The following CPLANE1 variants were observed in gnomAD, a reference collection of about 807,000 sequenced individuals.
CPLANE1 encodes the protein ciliogenesis and planar polarity effector 1.
A neutral mutation model predicts 362.5 loss-of-function variants in CPLANE1; 263 were observed. The observed-to-expected ratio is 0.73, with a 90% CI of 0.66 to 0.80. The LOEUF (loss-of-function observed/expected upper bound fraction) is 0.80. CPLANE1 is among the 30% of genes least tolerant of loss of function. CPLANE1 has a pLI of 0.00. For synonymous variants in CPLANE1, 1,212 were observed against 1,302.6 expected, an observed-to-expected ratio of 0.93 and a Z score of 1.50; for missense variants, 3,461 against 3,793.4, an observed-to-expected ratio of 0.91 and a Z score of 2.30.
Position 37,170,201 on chromosome 5 carries a change from C to T in CPLANE1, c.6302G>A (p.Arg2101Lys), listed in dbSNP as rs771457677. The T allele has an allele frequency of 3.7e-6, 6 of 1,614,048 alleles. No individual in the cohort carries two copies. Among genetic ancestry groups the T allele is most frequent in the Non-Finnish European group, 3.4e-6 (4 of 1,180,046 alleles). ...GCTGTCTTCAACATCACCACATCCT[C>T]TTAGGTTTGATTCTTGGCTTTCCCC... is the stretch of plus-strand genomic sequence containing the variant. Reference protein sequence around the residue: ...HLGESQESNLRGCGDVEDSNK... With the variant: ...HLGESQESNLKGCGDVEDSNK... The change falls in exon 33 of 53, where the codon AGA becomes AAA. Residue 2101 changes from arginine to lysine, a missense_variant. Around this residue, in one of 2 missense-constraint regions of CPLANE1, gnomAD observed 3,380 missense variants for 3,666.1 expected, o/e 0.92. Coordinates refer to ENST00000651892, the MANE Select transcript of CPLANE1 (RefSeq NM_001384732.1).
rs777672993 is a variant in CPLANE1, at chr5:37,182,754, G to T, written c.5421+6C>A. The T allele has an allele frequency of 6.5e-7, 1 of 1,547,600 alleles. No individual in the cohort carries two copies. The highest frequency in any genetic ancestry group is 8.9e-7 in the Non-Finnish European group (1 of 1,127,994). ...TTTGTAAGTAATAAACAATTGATAT[G>T]CTTACCTTAATAATGGCATTTTTTG... On this transcript the variant is annotated splice_donor_region_variant and intron_variant, in intron 26 of 52. Coordinates refer to ENST00000651892, the MANE Select transcript of CPLANE1 (RefSeq NM_001384732.1).
At chr5:37,153,690 A>T (rs1266098308) in intron 42 of CPLANE1, 50 bp downstream of exon 42, 7 of 1,549,464 alleles carry the variant, frequency 4.5e-6, no homozygotes, top group Non-Finnish European at 6.1e-6. Flanking sequence ...TCACACTACA[A>T]ATCTAATAAT....
chr5:37,085,833 C>T, the CPLANE1 span: 6 of 1,331,768 alleles, frequency 4.5e-6, no homozygotes, highest in Non-Finnish European at 6.5e-6. Flanking sequence ...AGACTGGGGG[C>T]CAAACAGAGC....
chr5:37,180,494 C>T (rs1028632926), intron 27 of CPLANE1, among the ~76,000 whole-genome samples: 1 of 152,118 alleles, frequency 6.6e-6, no homozygotes, highest in Admixed American at 6.5e-5. Flanking sequence ...ATCATTCTCA[C>T]AAAGGACTCT....
intron 16 of CPLANE1, chr5:37,211,800 G>A: frequency 1.2e-6 from 1 of 801,670 alleles, no homozygotes; most frequent in South Asian, 1.3e-5. Flanking sequence ...TGAATTTTCA[G>A]ATGCGGACAA....
intron 8 of CPLANE1, among the ~76,000 whole-genome samples, chr5:37,232,870 AC>A (rs1798058875): frequency 6.7e-6 from 1 of 149,594 alleles, no homozygotes; most frequent in Non-Finnish European, 1.5e-5. Context: ...AAAGAAAGAC[AC>A]TCAGCTCAAG....
chr5:37,244,552 G>A lies in CPLANE1; in HGVS notation c.393C>T (p.Leu131=), dbSNP rs1186522083. 10 of 1,551,324 alleles carry A rather than the reference G, an allele frequency of 6.4e-6. No individual in the cohort carries two copies. The highest frequency in any genetic ancestry group is 7.0e-6 in the Non-Finnish European group (8 of 1,146,896). Residue 131 remains leucine, a synonymous_variant, in exon 5 of 53, where the codon CTC becomes CTT. Coordinates refer to ENST00000651892, the MANE Select transcript of CPLANE1 (RefSeq NM_001384732.1). ...GAAATATGCATCCAGAAGGTGTTAT[G>A]AGCACAATTCTTTTCCCATTTCCAG... ...YVSGNGKRIV[L]ITPSGCIFLW... is the part of the protein sequence containing the mutation.
chr5:37,098,923 CAAAAA>C, the CPLANE1 span, among the ~76,000 whole-genome samples: 1 of 52,066 alleles, frequency 1.9e-5, no homozygotes, highest in Non-Finnish European at 3.9e-5. Flanking sequence ...ATGCCTACAT[CAAAAA>C]AAAAAAAAAA....
At chr5:37,129,373 A>G (rs1765136822) in intron 46 of CPLANE1, among the ~76,000 whole-genome samples, 1 of 152,250 alleles carries the variant, frequency 6.6e-6, no homozygotes, top group African/African-American at 2.4e-5. Context: ...AGAACCCAAA[A>G]GCAAATGCAA....
intron 18 of CPLANE1, among the ~76,000 whole-genome samples, chr5:37,202,599 C>T (rs1789521571): frequency 6.6e-6 from 1 of 151,982 alleles, no homozygotes; most frequent in South Asian, 2.1e-4. Flanking sequence ...TGCACATGTC[C>T]CAAAAGGCAA....
At chr5:37,238,570 C>T (rs567389176) in intron 8 of CPLANE1, among the ~76,000 whole-genome samples, 14 of 145,828 alleles carry the variant, frequency 9.6e-5, no homozygotes, top group Non-Finnish European at 1.8e-4. Flanking sequence ...TCATAGCTCA[C>T]TGCAGCCTCT....
chr5:37,164,158 A>G (rs1436950691), intron 37 of CPLANE1, 115 bp downstream of exon 37: 2 of 783,288 alleles, frequency 2.6e-6, no homozygotes, highest in Non-Finnish European at 4.3e-6. Context: ...GAACCCTTGA[A>G]TTTGTAGTCA....
chr5:37,170,348 A>T lies in CPLANE1; in HGVS notation c.6172-17T>A. 1.9e-6 allele frequency: 3 copies of T among 1,595,520 alleles called. No individual in the cohort carries two copies. Among genetic ancestry groups the T allele is most frequent in the Non-Finnish European group, 2.6e-6 (3 of 1,170,542 alleles). On this transcript the variant is annotated splice_polypyrimidine_tract_variant and intron_variant, in intron 32 of 52. Transcript: ENST00000651892. The stretch of plus-strand genomic sequence containing the variant: ...CTGTTGCAGCTTGAATAAAACAAAA[A>T]TTGAAGCGATATCTTAAAATATAAC...
chr5:37,107,207 A>C lies in CPLANE1; in HGVS notation c.*395T>G. The C allele has an allele frequency of 5.0e-6, 5 of 990,232 alleles. No individual in the cohort carries two copies. The highest frequency in any genetic ancestry group is 6.0e-6 in the Non-Finnish European group (5 of 833,272). The allele number at this position is 990,232 out of a possible 1,614,324, so 61.3% of individuals were successfully genotyped here. Reference sequence around the variant, plus strand: ...GAGACTGATTTTCTTCTCAATGAAAAGATTTTTTTTTTTCCTATTAGATTC... The same window carrying C: ...GAGACTGATTTTCTTCTCAATGAAACGATTTTTTTTTTTCCTATTAGATTC... On this transcript the variant is annotated 3_prime_UTR_variant, in exon 53 of 53. Coordinates refer to ENST00000651892, the MANE Select transcript of CPLANE1 (RefSeq NM_001384732.1).
chr5:37,182,223 C>T (rs539077445), intron 26 of CPLANE1, among the ~76,000 whole-genome samples: 15 of 152,076 alleles, frequency 9.9e-5, no homozygotes, highest in African/African-American at 3.6e-4. Flanking sequence ...ATCCTTCAGC[C>T]TAGAATAAAC....
At chr5:37,233,711 TCA>T (rs1312345522) in intron 8 of CPLANE1, among the ~76,000 whole-genome samples, 1 of 151,154 alleles carries the variant, frequency 6.6e-6, no homozygotes, top group Non-Finnish European at 1.5e-5. Context: ...GAGAAACCAC[TCA>T]CACACCTAGA....
the CPLANE1 span, among the ~76,000 whole-genome samples, chr5:37,100,951 C>T: frequency 6.6e-6 from 1 of 152,180 alleles, no homozygotes; most frequent in African/African-American, 2.4e-5. Context: ...GATTTTTGCA[C>T]ATTAATTTTG....
In CPLANE1 at chr5:37,209,436, C is replaced by G; in HGVS notation, c.2921-3011G>C. The G allele has an allele frequency of 7.6e-7, 1 of 1,312,362 alleles. No individual in the cohort carries two copies. The highest frequency in any genetic ancestry group is 1.1e-6 in the Non-Finnish European group (1 of 907,242). 81.3% of individuals were successfully genotyped at this position (1,312,362 alleles called of 1,614,324 possible). ...AAATGAACTGCGCAAAAAGCTATAC[C>G]AGACATTTAAGGATCGGGGTATACT... On this transcript the variant is annotated intron_variant, in intron 16 of 52. Transcript: ENST00000651892. This position sits in a 1 kb window ranked among gnomAD's most constrained non-coding sequence, Gnocchi z 4.6.
chr5:37,217,948 C>G (rs974813505), intron 15 of CPLANE1, among the ~76,000 whole-genome samples: 3 of 151,788 alleles, frequency 2.0e-5, no homozygotes, highest in Non-Finnish European at 2.9e-5. Flanking sequence ...CCTCTGCATT[C>G]CAGCCTGGTG....
Sources: gnomAD v4.1 joint callset for allele counts (sites outside exome capture counted in the v4.1 genomes callset) on GRCh38, gnomAD v4.1.1 for gene constraint, gnomAD v4.1.1 regional missense constraint, Gnocchi (gnomAD v3.1) non-coding constraint, MANE v1.5 for transcripts, NCBI Gene and HGNC (gene_info 2026-07-23, HGNC 2026-07-21) for gene names.